Variants in ZNF280D observed in about 807,000 individuals in gnomAD.
ZNF280D encodes suppressor of hairy wing homolog 4.
A neutral mutation model predicts 94.7 loss-of-function variants in ZNF280D; 39 were observed. The ratio of observed to expected loss-of-function variants is 0.41; its 90% CI spans 0.32 to 0.54. ZNF280D has a LOEUF of 0.54. ZNF280D is among the 20% of genes least tolerant of loss of function. ZNF280D has a pLI of 0.22. For synonymous variants in ZNF280D, 398 were observed against 377.6 expected (o/e 1.05, Z -0.63); for missense variants, 1,090 against 1,149.3 (o/e 0.95, Z 0.75).
At chr15:56,645,672 A>C (rs12908906) in intron 19 of ZNF280D, among the ~76,000 whole-genome samples, 73,866 of 151,862 alleles carry the variant, frequency 0.49, 19,341 homozygotes, top group East Asian at 0.62. Context: ...TCAGCCTCCC[A>C]AGTAGCTGGG....
chr15:56,670,699 T>C (rs1166493467), intron 13 of ZNF280D, among the ~76,000 whole-genome samples: 1 of 152,120 alleles, frequency 6.6e-6, no homozygotes, highest in Non-Finnish European at 1.5e-5. Flanking sequence ...TTTGGGTATA[T>C]ACCCAGCAAT....
At chr15:56,633,594 G>A (rs1315738873) in intron 21 of ZNF280D, among the ~76,000 whole-genome samples, 1 of 151,856 alleles carries the variant, frequency 6.6e-6, no homozygotes, top group African/African-American at 2.4e-5. Context: ...GGGTTCAGGT[G>A]ATTCTCCTGC....
rs537402013 is a variant in ZNF280D, at chr15:56,692,374, C to A, written c.499+724G>T. On this transcript the variant is annotated intron_variant, in intron 7 of 21. Coordinates refer to ENST00000267807, the MANE Select transcript of ZNF280D (RefSeq NM_017661.4). ...AGTAAATCTAAAAATTCCAAAAAAT[C>A]ATGTATACGTCTGTTTAGTCAAATA... Among the ~76,000 whole-genome samples, 316 of 152,042 alleles carry A rather than the reference C, an allele frequency of 2.1e-3. 1 individual carries two copies. The highest frequency in any genetic ancestry group is 7.4e-3 in the African/African-American group (309 of 41,520).
chr15:56,726,929 C>A (rs1341279656), intron 1 of ZNF280D, among the ~76,000 whole-genome samples: 2 of 151,992 alleles, frequency 1.3e-5, no homozygotes, highest in Non-Finnish European at 2.9e-5. Flanking sequence ...TTGACATGCA[C>A]AGGAGTTCAC....
At chr15:56,639,063 A>G (rs2052492870) in intron 20 of ZNF280D, among the ~76,000 whole-genome samples, 1 of 152,032 alleles carries the variant, frequency 6.6e-6, no homozygotes, top group African/African-American at 2.4e-5. Context: ...GTATATATAC[A>G]ATATTTAATA....
intron 1 of ZNF280D, among the ~76,000 whole-genome samples, chr15:56,708,318 C>A (rs950143276): frequency 8.5e-5 from 13 of 152,120 alleles, no homozygotes; most frequent in Admixed American, 8.5e-4. Context: ...AACTAAATAT[C>A]CCCTAGTTCT....
intron 1 of ZNF280D, among the ~76,000 whole-genome samples, chr15:56,729,493 G>C (rs1567053109): frequency 6.6e-6 from 1 of 152,114 alleles, no homozygotes. Flanking sequence ...AACCATCAAT[G>C]AATTTTAAAA....
chr15:56,680,227 C>A (rs1393844029), intron 10 of ZNF280D, among the ~76,000 whole-genome samples: 4 of 152,102 alleles, frequency 2.6e-5, no homozygotes, highest in Non-Finnish European at 5.9e-5. Flanking sequence ...CTATCAATTT[C>A]TTATTATTCT....
At chr15:56,720,200 G>A (rs2058281002) in intron 1 of ZNF280D, among the ~76,000 whole-genome samples, 1 of 152,188 alleles carries the variant, frequency 6.6e-6, no homozygotes, top group South Asian at 2.1e-4. Context: ...TATCAACTAA[G>A]CTGGTGTAAT....
chr15:56,731,333 T>C (rs959467755), intron 1 of ZNF280D, among the ~76,000 whole-genome samples: 1 of 151,532 alleles, frequency 6.6e-6, no homozygotes, highest in Non-Finnish European at 1.5e-5. Flanking sequence ...CAAAACCCCA[T>C]CTCTACAAAA....
At chr15:56,642,806 A>G (rs1349233784) in intron 20 of ZNF280D, 146 bp downstream of exon 20, 6 of 472,356 alleles carry the variant, frequency 1.3e-5, no homozygotes, top group African/African-American at 8.2e-5. Context: ...GTAATGAAAA[A>G]TTTTAAATCT....
chr15:56,703,848 G>A (rs1298552784), intron 4 of ZNF280D, among the ~76,000 whole-genome samples: 2 of 129,454 alleles, frequency 1.5e-5, no homozygotes, highest in Non-Finnish European at 1.6e-5. Flanking sequence ...GTGAGACCCT[G>A]TCTCAAAATA....
At chr15:56,710,927 C>T (rs573106445) in intron 1 of ZNF280D, among the ~76,000 whole-genome samples, 4 of 152,220 alleles carry the variant, frequency 2.6e-5, no homozygotes, top group East Asian at 1.9e-4. Flanking sequence ...AAAAGAATAT[C>T]GCACTAGAAA....
At chr15:56,675,065 G>T (rs577217055) in intron 13 of ZNF280D, among the ~76,000 whole-genome samples, 5 of 151,976 alleles carry the variant, frequency 3.3e-5, no homozygotes, top group Admixed American at 1.3e-4. Flanking sequence ...CTTACTAATA[G>T]ACTGCCCCCT....
intron 20 of ZNF280D, among the ~76,000 whole-genome samples, chr15:56,636,485 ATTT>A (rs71113011): frequency 7.7e-5 from 10 of 130,212 alleles, no homozygotes; most frequent in African/African-American, 2.3e-4. Context: ...CTTCCTTCCT[ATTT>A]TTTTTTTTTT....
intron 1 of ZNF280D, among the ~76,000 whole-genome samples, chr15:56,729,162 C>A (rs761947056): frequency 1.3e-5 from 1 of 78,960 alleles, no homozygotes; most frequent in Non-Finnish European, 2.8e-5. Flanking sequence ...TTGGACAATG[C>A]AGATCTACAC....
At chr15:56,637,965 G>A (rs1313403420) in intron 20 of ZNF280D, among the ~76,000 whole-genome samples, 1 of 152,162 alleles carries the variant, frequency 6.6e-6, no homozygotes, top group African/African-American at 2.4e-5. Flanking sequence ...ATTTGGGTCT[G>A]TGATTGAGTT....
At chr15:56,700,134 T>C (rs1194142804) in intron 6 of ZNF280D, 8 of 957,750 alleles carry the variant, frequency 8.4e-6, no homozygotes, top group Non-Finnish European at 9.9e-6. Flanking sequence ...AACTACAATC[T>C]GAGAACTGTT....
intron 1 of ZNF280D, among the ~76,000 whole-genome samples, chr15:56,725,845 C>T (rs1046000564): frequency 6.6e-6 from 1 of 151,232 alleles, no homozygotes; most frequent in African/African-American, 2.4e-5. Context: ...ATTTATCGAA[C>T]ATTAATTATG....
Sources: allele counts gnomAD v4.1 joint callset (sites outside exome capture counted in the v4.1 genomes callset), GRCh38; gene constraint gnomAD v4.1.1; transcripts MANE v1.5; gene names NCBI Gene and HGNC (gene_info 2026-07-23, HGNC 2026-07-21).